Variants in PNPLA7 observed in about 807,000 individuals in gnomAD.
PNPLA7 encodes patatin-like phospholipase domain-containing protein 7.
A neutral mutation model predicts 161.7 loss-of-function variants in PNPLA7; 153 were observed. The ratio of observed to expected loss-of-function variants is 0.95; its 90% confidence interval spans 0.83 to 1.08. PNPLA7 has a LOEUF of 1.08. Ranked by LOEUF, PNPLA7 falls within the 50% of genes least tolerant of loss-of-function variation. The pLI, the probability that PNPLA7 is intolerant of heterozygous loss-of-function variation, is 0.00. For missense variants in PNPLA7, 1,739 were observed against 1,856.6 expected, an observed-to-expected ratio of 0.94 and a Z score of 1.16; for synonymous variants, 809 against 782.1, an observed-to-expected ratio of 1.03 and a Z score of -0.57.
rs1831577742 is a variant in PNPLA7 at position 137,468,531 on chromosome 9, C to G, written c.2883-1058G>C. ...GAGGGAGCTCGGATGCAAGCCACAG[C>G]TGGGGGGGACCCTGGAGGCATTTGC... On this transcript the variant is annotated intron_variant, in intron 25 of 34. Transcript: ENST00000406427. This position sits in a 1 kb window ranked among gnomAD's most constrained non-coding sequence, Gnocchi z 4.0. Among the ~76,000 whole-genome samples, 1 of 152,132 alleles carries G rather than the reference C, an allele frequency of 6.6e-6. No individual in the cohort carries two copies.
intron 26 of PNPLA7, among the ~76,000 whole-genome samples, chr9:137,466,174 C>T (rs536920109): frequency 1.3e-5 from 2 of 152,320 alleles, no homozygotes; most frequent in South Asian, 2.1e-4. Context: ...CAGCTGCTCA[C>T]GCTGCCCTGC....
At chr9:137,480,810 G>T in intron 22 of PNPLA7, 150 bp downstream of exon 22, 2 of 929,384 alleles carry the variant, frequency 2.2e-6, no homozygotes, top group Non-Finnish European at 3.3e-6. Flanking sequence ...TGTGTCCAGT[G>T]AAGGGAGTCA....
intron 25 of PNPLA7, among the ~76,000 whole-genome samples, chr9:137,475,009 TCAAAAAA>T (rs1831879848): frequency 6.2e-5 from 1 of 16,002 alleles, no homozygotes; most frequent in African/African-American, 2.9e-4. Flanking sequence ...AGACTCTGCC[TCAAAAAA>T]AAAAAAAAAA....
At chr9:137,493,950 G>A (rs993162748) in intron 19 of PNPLA7, among the ~76,000 whole-genome samples, 9 of 152,198 alleles carry the variant, frequency 5.9e-5, no homozygotes, top group African/African-American at 1.7e-4. Context: ...CAGGAGCTGC[G>A]GGCAGGAGAA....
chr9:137,475,800 C>T (rs1247839469), intron 25 of PNPLA7, among the ~76,000 whole-genome samples: 2 of 152,078 alleles, frequency 1.3e-5, no homozygotes, highest in East Asian at 1.9e-4. Flanking sequence ...GACAATGGAA[C>T]CATGCCTTAA....
intron 33 of PNPLA7, 127 bp from the exon 34 acceptor site, chr9:137,460,864 C>T: frequency 2.5e-6 from 2 of 788,626 alleles, no homozygotes; most frequent in African/African-American, 1.7e-5. Flanking sequence ...CGGGGCCCTA[C>T]ACGCAGCCAC....
At position 137,514,900 on chromosome 9, in the gene PNPLA7, T is replaced by C. The variant is rs1055284201; in HGVS notation, c.1225+479A>G. Among the ~76,000 whole-genome samples the C allele has an allele frequency of 2.9e-5, 3 of 101,880 alleles. 1 individual carries two copies. Among genetic ancestry groups the C allele is most frequent in the African/African-American group, 1.2e-4 (3 of 25,428 alleles). The allele number at this position is 101,880 out of a possible 152,430, so 66.8% of individuals were successfully genotyped here. A position where few individuals can be genotyped will look rare whatever the true frequency, so the allele number is the denominator to read the frequency against. ...TGCAGGCGGGTCACTCGGATGTTGA[T>C]GTGCCCGGGCCCTGTGGCTGGGCTG... On this transcript the variant is annotated intron_variant, in intron 12 of 34. Coordinates refer to ENST00000406427, the MANE Select transcript of PNPLA7 (RefSeq NM_001098537.3).
chr9:137,519,599 G>A (rs2265167), intron 11 of PNPLA7, among the ~76,000 whole-genome samples: 9,965 of 152,034 alleles, frequency 0.066, 1,026 homozygotes, highest in African/African-American at 0.22. Flanking sequence ...CATCCAGCCC[G>A]CATGTGAGGA....
intron 22 of PNPLA7, 172 bp from the exon 23 acceptor site, chr9:137,480,652 G>GCC: frequency 3.8e-6 from 3 of 796,880 alleles, no homozygotes; most frequent in Non-Finnish European, 5.8e-6. Context: ...GGCCTAGGCA[G>GCC]TCACGCAGAG....
chr9:137,466,133 G>C (rs1316738639), intron 26 of PNPLA7, among the ~76,000 whole-genome samples: 1 of 152,158 alleles, frequency 6.6e-6, no homozygotes, highest in Non-Finnish European at 1.5e-5. Context: ...ACGGCCCCCA[G>C]CGTGCCTGAA....
In PNPLA7 at chr9:137,522,138, C is replaced by T. The variant is rs574572634; in HGVS notation, c.877-422G>A. ...CGCCCAGGCTGGAGTGCAGTGGCAC[C>T]ATCTCGGCTCACTGCAAGCTCCGCC... On this transcript the variant is annotated intron_variant, in intron 9 of 34. Transcript: ENST00000406427. Among the ~76,000 whole-genome samples the T allele has an allele frequency of 7.7e-3, 1,166 of 152,222 alleles. 4 individuals are homozygous for T. Among genetic ancestry groups the T allele is most frequent in the Non-Finnish European group, 0.013 (863 of 68,008 alleles).
chr9:137,462,023 C>T lies in PNPLA7; in HGVS notation c.3664G>A (p.Gly1222Arg). Residue 1222 changes from glycine (G) to arginine (R), a missense_variant, in exon 32 of 35, where the codon GGG becomes AGG. Around this residue, in one of 6 missense-constraint regions of PNPLA7, gnomAD observed 703 missense variants for 694.6 expected, o/e 1.01. Transcript: ENST00000406427. Reference sequence around the variant, plus strand: ...CCCCAGATGTCAAACACCGTGCGCCCGTGCTGGTAGCCCACTTCCTGTGCA... The same window carrying T: ...CCCCAGATGTCAAACACCGTGCGCCTGTGCTGGTAGCCCACTTCCTGTGCA... ...NEICEVGYQH[G>R]RTVFDIWGRS... The T allele has an allele frequency of 1.9e-6, 3 of 1,598,846 alleles. No homozygotes were observed. The highest frequency in any genetic ancestry group is 1.7e-4 in the Middle Eastern group (1 of 6,032).
At chr9:137,471,595 C>T (rs1337817016) in intron 25 of PNPLA7, among the ~76,000 whole-genome samples, 1 of 114,918 alleles carries the variant, frequency 8.7e-6, no homozygotes, top group Non-Finnish European at 1.7e-5. Flanking sequence ...AAGACTCCGT[C>T]TCAAAAAAAA....
At chr9:137,506,243 G>T (rs1412874059) in intron 12 of PNPLA7, among the ~76,000 whole-genome samples, 160 bp from the exon 13 acceptor site, 1 of 152,168 alleles carries the variant, frequency 6.6e-6, no homozygotes, top group African/African-American at 2.4e-5. Flanking sequence ...CTTTCTTTCG[G>T]CATCTGCCTC....
rs1430644876 is a variant in PNPLA7, at chr9:137,540,620, G to A, written c.747+22C>T. On this transcript the variant is annotated intron_variant, in intron 8 of 34. Transcript: ENST00000406427. This position sits in a 1 kb window ranked among gnomAD's most constrained non-coding sequence, Gnocchi z 5.1. ...GGGGCCAACCCAGGGGCGCCCGGAG[G>A]GCCAGGCAGCGGGGGACTCACGGTG... The A allele has an allele frequency of 2.5e-6, 4 of 1,599,560 alleles. No individual in the cohort carries two copies. The East Asian group carries it at 9.0e-5, about 36-fold the overall frequency.
intron 9 of PNPLA7, 80 bp downstream of exon 9, chr9:137,522,649 A>G: frequency 6.6e-7 from 1 of 1,511,790 alleles, no homozygotes; most frequent in Non-Finnish European, 9.1e-7. Context: ...CAATAAACCC[A>G]CTCAAATCCC....
At chr9:137,492,559 GGGGCTCCAGCACAGGGCAGGGCCGT>G (rs1832822233) in intron 20 of PNPLA7, among the ~76,000 whole-genome samples, 1 of 140,702 alleles carries the variant, frequency 7.1e-6, no homozygotes, top group African/African-American at 2.7e-5. Flanking sequence ...GTGGGTGGCC[GGGGCTCCAGCACAGGGCAGGGCCGT>G]GGGCTGGGTG....
intron 34 of PNPLA7, 40 bp downstream of exon 34, chr9:137,460,594 C>T (rs377659929): frequency 4.7e-5 from 75 of 1,601,096 alleles, no homozygotes; most frequent in Admixed American, 1.3e-4. Flanking sequence ...CACCAAGGCT[C>T]AGCTGTGGGC....
In PNPLA7 at chr9:137,540,874, G is replaced by T; in HGVS notation, c.667-152C>A. On this transcript the variant is annotated intron_variant, in intron 7 of 34. Transcript: ENST00000406427. This position sits in a 1 kb window ranked among gnomAD's most constrained non-coding sequence, Gnocchi z 5.1. ...CAGGCACCTTGGATGGAGGGCAGGG[G>T]ACAAGATGGACCTGCTGGCATCAGG... is the stretch of plus-strand genomic sequence containing the variant. The T allele has an allele frequency of 1.5e-6, 1 of 649,984 alleles. No individual in the cohort carries two copies. Among genetic ancestry groups the T allele is most frequent in the Non-Finnish European group, 2.7e-6 (1 of 363,814 alleles). The allele number at this position is 649,984 out of a possible 1,614,324, so 40.3% of individuals were successfully genotyped here. A position where few individuals can be genotyped will look rare whatever the true frequency, so the allele number is the denominator to read the frequency against.
Sources: gnomAD v4.1 joint callset for allele counts (sites outside exome capture counted in the v4.1 genomes callset) on GRCh38, gnomAD v4.1.1 for gene constraint, gnomAD v4.1.1 regional missense constraint, Gnocchi (gnomAD v3.1) non-coding constraint, MANE v1.5 for transcripts, NCBI Gene and HGNC (gene_info 2026-07-23, HGNC 2026-07-21) for gene names.